The following FABP2 variants were observed in gnomAD, a reference collection of about 807,000 sequenced individuals.
FABP2 encodes fatty acid-binding protein, intestinal.
Under a neutral mutation model 16.1 loss-of-function variants are expected in FABP2, and 11 were observed. That is an observed-to-expected ratio of 0.68 (90% CI 0.43 to 1.13). FABP2 has a LOEUF of 1.13. Among genes scored for constraint, FABP2 ranks in the 50% most tolerant of loss-of-function variants. FABP2 has a pLI of 0.00. For missense variants in FABP2, 146 were observed against 155.1 expected (o/e 0.94, Z 0.31); for synonymous variants, 45 against 50.9 (o/e 0.88, Z 0.49).
chr4:119,321,827 G>C (rs985308416), intron 1 of FABP2, among the ~76,000 whole-genome samples: 6 of 152,102 alleles, frequency 3.9e-5, no homozygotes, highest in Non-Finnish European at 7.4e-5. Context: ...AGCACTCAAA[G>C]AATCTTTTCT....
chr4:119,322,079 C>T lies in FABP2; in HGVS notation c.24G>A (p.Lys8=), dbSNP rs767546629. The change falls in exon 1 of 4, where the codon AAG becomes AAA. Residue 8 remains lysine, a synonymous_variant. Coordinates refer to ENST00000274024, the MANE Select transcript of FABP2 (RefSeq NM_000134.4). ...TGTCATAGTTTTCACTCCGGTCTAC[C>T]TTCCAAGTGCTGTCAAACGCCATGA... MAFDSTW[K]VDRSENYDKF... 5.0e-6 allele frequency: 8 copies of T among 1,613,208 alleles called. No homozygotes were observed. The highest frequency in any genetic ancestry group is 6.8e-6 in the Non-Finnish European group (8 of 1,179,594).
Position 119,319,733 on chromosome 4 carries a change from C to T in FABP2, c.241-90G>A, listed in dbSNP as rs116344559. The T allele has an allele frequency of 2.9e-3, 1,413 of 491,102 alleles. 16 individuals carry two copies. Among genetic ancestry groups the T allele is most frequent in the African/African-American group, 0.026 (1,290 of 49,190 alleles). 30.4% of individuals were successfully genotyped at this position (491,102 alleles called of 1,614,324 possible). ...GGCACTGTTCTGAGTTCTGTAGACA[C>T]ACTTTTTCATTTAATCTTCATGGTG... On this transcript the variant is annotated intron_variant, in intron 2 of 3. Transcript: ENST00000274024.
Position 119,318,831 on chromosome 4 carries a change from T to C in FABP2, c.*210A>G, listed in dbSNP as rs1221042144. On this transcript the variant is annotated 3_prime_UTR_variant, in exon 4 of 4. Coordinates refer to ENST00000274024, the MANE Select transcript of FABP2 (RefSeq NM_000134.4). ...TTTTTTAAAATGTCACAAATTCTTT[T>C]AGTAAATATATATCTTAGAGAATAT... The C allele has an allele frequency of 2.5e-6, 1 of 393,920 alleles. No homozygotes were observed. Among genetic ancestry groups the C allele is most frequent in the African/African-American group, 2.1e-5 (1 of 47,646 alleles). 24.4% of individuals were successfully genotyped at this position (393,920 alleles called of 1,614,324 possible).
At chr4:119,322,010 G>A (rs746402301) in intron 1 of FABP2, 26 bp downstream of exon 1, 13 of 1,583,772 alleles carry the variant, frequency 8.2e-6, no homozygotes, top group Non-Finnish European at 1.1e-5. Flanking sequence ...AGCAAAGAAT[G>A]AGCCACAAAG....
intron 2 of FABP2, 46 bp downstream of exon 2, chr4:119,320,624 G>A: frequency 7.1e-7 from 1 of 1,402,612 alleles, no homozygotes; most frequent in Non-Finnish European, 9.6e-7. Flanking sequence ...TTAATATTGG[G>A]TAGAAAAATC....
intron 1 of FABP2, 118 bp from the exon 2 acceptor site, chr4:119,320,960 C>T (rs1218093147): frequency 1.3e-6 from 1 of 750,188 alleles, no homozygotes; most frequent in African/African-American, 1.8e-5. Flanking sequence ...GTAGCATTGC[C>T]TTTGCACAAG....
rs769050628 is a variant in FABP2 at position 119,319,648 on chromosome 4, A to C, written c.241-5T>G. The C allele has an allele frequency of 1.5e-6, 1 of 659,436 alleles. No individual in the cohort carries two copies. Among genetic ancestry groups the C allele is most frequent in the Non-Finnish European group, 1.9e-6 (1 of 522,246 alleles). The allele number at this position is 659,436 out of a possible 1,614,324, so 40.8% of individuals were successfully genotyped here. A position where few individuals can be genotyped will look rare whatever the true frequency, so the allele number is the denominator to read the frequency against. On this transcript the variant is annotated splice_polypyrimidine_tract_variant and splice_region_variant and intron_variant, in intron 2 of 3. Transcript: ENST00000274024. ...TCCCTCAAGGCTCCAGGTCCCCTAC[A>C]TAATAATAATAATAATAATAATAAT...
rs1561400857 is a variant in FABP2, at chr4:119,322,113, G to A, written c.-11C>T. Reference sequence around the variant, plus strand: ...GCTGTCAAACGCCATGATTTCAGTTGAGTCAGCCTCTAGGCAGCTAGAGAT... The same window carrying A: ...GCTGTCAAACGCCATGATTTCAGTTAAGTCAGCCTCTAGGCAGCTAGAGAT... On this transcript the variant is annotated 5_prime_UTR_variant, in exon 1 of 4. Coordinates refer to ENST00000274024, the MANE Select transcript of FABP2 (RefSeq NM_000134.4). 3 of 1,611,138 alleles carry A rather than the reference G, an allele frequency of 1.9e-6. No individual in the cohort carries two copies. Among genetic ancestry groups the A allele is most frequent in the East Asian group, 4.5e-5 (2 of 44,758 alleles).
At chr4:119,319,785 C>T in intron 2 of FABP2, 142 bp from the exon 3 acceptor site, 1 of 327,580 alleles carries the variant, frequency 3.1e-6, no homozygotes, top group Non-Finnish European at 5.2e-6. Context: ...ACTATTATCT[C>T]TACTTTGCAG....
chr4:119,320,497 T>C (rs1309946483), intron 2 of FABP2, among the ~76,000 whole-genome samples, 173 bp downstream of exon 2: 3 of 152,108 alleles, frequency 2.0e-5, no homozygotes, highest in Non-Finnish European at 4.4e-5. Context: ...AAAAACATAT[T>C]TAAATATCCT....
At chr4:119,321,822 T>A (rs1486053702) in intron 1 of FABP2, among the ~76,000 whole-genome samples, 1 of 152,124 alleles carries the variant, frequency 6.6e-6, no homozygotes, top group Non-Finnish European at 1.5e-5. Flanking sequence ...AGAACAGCAC[T>A]CAAAGAATCT....
chr4:119,320,904 CA>C, intron 1 of FABP2, 62 bp from the exon 2 acceptor site: 1 of 1,370,242 alleles, frequency 7.3e-7, no homozygotes, highest in South Asian at 1.5e-5. Context: ...TTTATTTTTC[CA>C]AGTTATGTTT....
rs1478415433 is a variant in FABP2, at chr4:119,317,771, T to C, written c.*1270A>G. ...TGTACCCTGCTAAAATACAATTATGTGAAGCACATAAAATTTTACGTCATG... is the reference window on the plus strand; with the variant it reads ...TGTACCCTGCTAAAATACAATTATGCGAAGCACATAAAATTTTACGTCATG... On this transcript the variant is annotated 3_prime_UTR_variant, in exon 4 of 4. Coordinates refer to ENST00000274024, the MANE Select transcript of FABP2 (RefSeq NM_000134.4). The C allele has an allele frequency of 1.3e-5, 2 of 151,938 alleles. No homozygotes were observed. Among genetic ancestry groups the C allele is most frequent in the Admixed American group, 6.6e-5 (1 of 15,220 alleles). The allele number at this position is 151,938 out of a possible 1,614,324, so 9.4% of individuals were successfully genotyped here.
rs531082014 is a variant in FABP2 at position 119,320,528 on chromosome 4, A to G, written c.240+142T>C. 11 of 627,300 alleles carry G rather than the reference A, an allele frequency of 1.8e-5. No individual in the cohort carries two copies. In the African/African-American group the frequency reaches 1.9e-4, roughly 11 times the overall value. The allele number at this position is 627,300 out of a possible 1,614,324, so 38.9% of individuals were successfully genotyped here. A position where few individuals can be genotyped will look rare whatever the true frequency, so the allele number is the denominator to read the frequency against. ...ATCCTGCCAATTTGTGCAATATATA[A>G]TGTAGACAAACTTCATTGGCTTCTT... On this transcript the variant is annotated intron_variant, in intron 2 of 3. Transcript: ENST00000274024.
Position 119,317,302 on chromosome 4 carries a change from A to C in FABP2, c.*1739T>G, listed in dbSNP as rs1392805552. The C allele has an allele frequency of 6.6e-6, 1 of 152,102 alleles. No individual in the cohort carries two copies. Among genetic ancestry groups the C allele is most frequent in the East Asian group, 1.9e-4 (1 of 5,198 alleles). The allele number at this position is 152,102 out of a possible 1,614,324, so 9.4% of individuals were successfully genotyped here. On this transcript the variant is annotated 3_prime_UTR_variant, in exon 4 of 4. Coordinates refer to ENST00000274024, the MANE Select transcript of FABP2 (RefSeq NM_000134.4). The stretch of plus-strand genomic sequence containing the variant: ...TAAGGAGTACAAGTATAGTTTTGTT[A>C]CATTGATATATTGCATAGTGGTAAA...
In FABP2 at chr4:119,319,632, G is replaced by C; in HGVS notation, c.252C>G (p.Ser84Arg). The C allele has an allele frequency of 7.1e-7, 1 of 1,413,464 alleles. No individual in the cohort carries two copies. Among genetic ancestry groups the C allele is most frequent in the Non-Finnish European group, 9.5e-7 (1 of 1,055,976 alleles). The allele number at this position is 1,413,464 out of a possible 1,614,324, so 87.6% of individuals were successfully genotyped here. The change falls in exon 3 of 4, where the codon AGC becomes AGG. Residue 84 changes from serine to arginine, a missense_variant. Physicochemically the swap from Ser to Arg is moderately radical, Grantham distance 110. Coordinates refer to ENST00000274024, the MANE Select transcript of FABP2 (RefSeq NM_000134.4). ...TTCCAATAAGTTTATTTCCCTCAAG[G>C]CTCCAGGTCCCCTACATAATAATAA... is the stretch of plus-strand genomic sequence containing the variant. ...ADGTELRGTW[S>R]LEGNKLIGKF...
In FABP2 at chr4:119,317,677, T is replaced by G. The variant is rs1376926818; in HGVS notation, c.*1364A>C. ...TTATCTACATCAGTGTGAAAAAGAA[T>G]TTGTCAAAAGTCTATAGAGTTGCAG... On this transcript the variant is annotated 3_prime_UTR_variant, in exon 4 of 4. Transcript: ENST00000274024. 7 of 152,092 alleles carry G rather than the reference T, an allele frequency of 4.6e-5. No homozygotes were observed. Among genetic ancestry groups the G allele is most frequent in the Admixed American group, 4.6e-4 (7 of 15,240 alleles). The allele number at this position is 152,092 out of a possible 1,614,324, so 9.4% of individuals were successfully genotyped here.
Position 119,318,668 on chromosome 4 carries a change from T to C in FABP2, c.*373A>G. On this transcript the variant is annotated 3_prime_UTR_variant, in exon 4 of 4. Coordinates refer to ENST00000274024, the MANE Select transcript of FABP2 (RefSeq NM_000134.4). ...TTTGAGGTTACAGTGAGCTATGATC[T>C]CTCCACTACATTCCAGCCTGAGTGA... 5.6e-6 allele frequency: 1 copy of C among 179,634 alleles called. No individual in the cohort carries two copies. The allele number at this position is 179,634 out of a possible 1,614,324, so 11.1% of individuals were successfully genotyped here.
intron 3 of FABP2, 136 bp downstream of exon 3, chr4:119,319,399 AC>A: frequency 7.8e-6 from 4 of 513,120 alleles, no homozygotes; most frequent in Non-Finnish European, 1.4e-5. Flanking sequence ...AAATAGCTAT[AC>A]AATATTTTTA....
Sources: allele counts gnomAD v4.1 joint callset (sites outside exome capture counted in the v4.1 genomes callset), GRCh38; gene constraint gnomAD v4.1.1; transcripts MANE v1.5; gene names NCBI Gene and HGNC (gene_info 2026-07-23, HGNC 2026-07-21).